Variants in MLLT10 observed in about 807,000 individuals in gnomAD.
MLLT10 encodes MLLT10 histone lysine methyltransferase DOT1L cofactor, also known as protein AF-10.
In MLLT10, 30 loss-of-function variants were observed where a neutral mutation model predicts 129.1. The observed-to-expected ratio is 0.23, with a 90% CI of 0.17 to 0.32. The LOEUF (loss-of-function observed/expected upper bound fraction) is 0.32. Among genes scored for constraint, MLLT10 ranks in the 10% least tolerant of loss-of-function variants. The probability of loss-of-function intolerance (pLI) is 1.00; values close to 1 mark genes in which losing one functional copy is unlikely to be tolerated. For synonymous variants in MLLT10, 490 were observed against 446.4 expected (o/e 1.10, Z -1.23); for missense variants, 1,119 against 1,268.3 (o/e 0.88, Z 1.79).
rs568186528 is a variant in MLLT10 at position 21,567,374 on chromosome 10, T to G, written c.241-18920T>G. Reference sequence around the variant, plus strand: ...GGGAGTTGTGGCTCTCTACCTGATCTCTGTGGTGGATGTGGCCTTGTTTGT... The same window carrying G: ...GGGAGTTGTGGCTCTCTACCTGATCGCTGTGGTGGATGTGGCCTTGTTTGT... On this transcript the variant is annotated intron_variant, in intron 3 of 22. Coordinates refer to ENST00000307729, the MANE Select transcript of MLLT10 (RefSeq NM_001195626.3). 3.5e-4 allele frequency among the ~76,000 whole-genome samples: 53 copies of G among 152,312 alleles called. No individual in the cohort carries two copies. In the South Asian group the frequency reaches 5.2e-3, roughly 15 times the overall value.
chr10:21,718,947 C>A (rs961129431), intron 14 of MLLT10, among the ~76,000 whole-genome samples: 1 of 152,208 alleles, frequency 6.6e-6, no homozygotes, highest in Non-Finnish European at 1.5e-5. Flanking sequence ...TGGTCTCGAA[C>A]TCCTGACCTC....
chr10:21,690,456 G>A (rs544585389), intron 13 of MLLT10, among the ~76,000 whole-genome samples: 3 of 152,242 alleles, frequency 2.0e-5, no homozygotes, highest in East Asian at 1.9e-4. Context: ...TTTCAGGTAT[G>A]TGTAGTAACT....
intron 7 of MLLT10, 45 bp from the exon 8 acceptor site, chr10:21,617,067 G>T (rs1271522978): frequency 1.1e-6 from 1 of 913,750 alleles, no homozygotes; most frequent in Non-Finnish European, 1.5e-6. Flanking sequence ...TGTTTAAAAA[G>T]TTTTATATAC....
intron 3 of MLLT10, among the ~76,000 whole-genome samples, chr10:21,540,340 A>C (rs1390254487): frequency 6.6e-6 from 1 of 152,002 alleles, no homozygotes; most frequent in African/African-American, 2.4e-5. Flanking sequence ...CAGTGAGCCA[A>C]GATTGTGCCA....
At chr10:21,670,813 GATT>G (rs2051316988) in intron 10 of MLLT10, 109 bp downstream of exon 10, 1 of 1,233,978 alleles carries the variant, frequency 8.1e-7, no homozygotes, top group Non-Finnish European at 1.1e-6. Context: ...GGATGTTCTA[GATT>G]ATTATATGAT....
chr10:21,688,424 G>A (rs746522544), intron 13 of MLLT10: 10 of 1,334,200 alleles, frequency 7.5e-6, no homozygotes, highest in Non-Finnish European at 1.1e-5. Context: ...TTTTCAACTT[G>A]TCTGTCATGG....
At chr10:21,590,160 C>T (rs116705829) in intron 4 of MLLT10, among the ~76,000 whole-genome samples, 5,448 of 152,056 alleles carry the variant, frequency 0.036, 318 homozygotes, top group African/African-American at 0.12. Flanking sequence ...AGGGTCGTCT[C>T]GAACATCTGG....
intron 13 of MLLT10, among the ~76,000 whole-genome samples, chr10:21,707,427 G>C (rs1448749501): frequency 6.6e-6 from 1 of 151,920 alleles, no homozygotes; most frequent in Non-Finnish European, 1.5e-5. Context: ...TCCTGACCTC[G>C]TGATCCGCCC....
chr10:21,551,145 T>C (rs2036942092), intron 3 of MLLT10, among the ~76,000 whole-genome samples: 1 of 151,738 alleles, frequency 6.6e-6, no homozygotes, highest in Admixed American at 6.6e-5. Context: ...CAGGTTGGTC[T>C]CGAGCTCCTG....
chr10:21,552,537 G>A (rs2037251958), intron 3 of MLLT10, among the ~76,000 whole-genome samples: 2 of 151,478 alleles, frequency 1.3e-5, no homozygotes, highest in African/African-American at 2.4e-5. Flanking sequence ...GATTACAGGC[G>A]CCTGCCACCA....
At position 21,613,305 on chromosome 10, in the gene MLLT10, G is replaced by A. The variant is rs114907482; in HGVS notation, c.509+854G>A. On this transcript the variant is annotated intron_variant, in intron 6 of 22. Transcript: ENST00000307729. Reference sequence around the variant, plus strand: ...AATAGGTAACAGTTCCAAATAAAAAGTTTGGGAATAATCTGTGCACTAATT... The same window carrying A: ...AATAGGTAACAGTTCCAAATAAAAAATTTGGGAATAATCTGTGCACTAATT... Among the ~76,000 whole-genome samples the A allele has an allele frequency of 9.4e-3, 1,399 of 149,568 alleles. 22 individuals are homozygous for A. Among genetic ancestry groups the A allele is most frequent in the African/African-American group, 0.032 (1,303 of 40,556 alleles).
At chr10:21,579,693 G>T (rs143651204) in intron 3 of MLLT10, among the ~76,000 whole-genome samples, 376 of 151,088 alleles carry the variant, frequency 2.5e-3, no homozygotes, top group African/African-American at 8.4e-3. Context: ...CTCCTGAGTA[G>T]CTGGGACTAC....
Position 21,625,555 on chromosome 10 carries a change from C to T in MLLT10, c.699+8348C>T. ...TGGCTTGTACTGCTGACTTGTGATC[C>T]TCACATTTAAGGAAGCAGAACCCCC... On this transcript the variant is annotated intron_variant, in intron 8 of 22. Transcript: ENST00000307729. 5 of 777,992 alleles carry T rather than the reference C, an allele frequency of 6.4e-6. No homozygotes were observed. The Middle Eastern group carries it at 7.0e-4, about 108-fold the overall frequency. 48.2% of individuals were successfully genotyped at this position (777,992 alleles called of 1,614,324 possible). A position where few individuals can be genotyped will look rare whatever the true frequency, so the allele number is the denominator to read the frequency against.
intron 8 of MLLT10, chr10:21,624,710 C>G: frequency 1.5e-6 from 2 of 1,356,228 alleles, no homozygotes; most frequent in Non-Finnish European, 2.1e-6. Context: ...TTGAGAGACC[C>G]AGTTCTGTTG....
chr10:21,677,720 C>T (rs916556097), intron 11 of MLLT10, among the ~76,000 whole-genome samples: 3 of 152,196 alleles, frequency 2.0e-5, no homozygotes, highest in Non-Finnish European at 2.9e-5. Context: ...CAGAAGACAA[C>T]TGTATTATGT....
intron 5 of MLLT10, among the ~76,000 whole-genome samples, chr10:21,599,177 CAA>C (rs561486770): frequency 9.9e-5 from 10 of 101,416 alleles, no homozygotes; most frequent in Admixed American, 2.0e-4. Context: ...GACTCCATCT[CAA>C]AAAAAAAAAA....
At chr10:21,681,280 T>C in intron 11 of MLLT10, 52 bp from the exon 12 acceptor site, 1 of 1,609,500 alleles carries the variant, frequency 6.2e-7, no homozygotes, top group South Asian at 1.1e-5. Flanking sequence ...TTTTTTACCC[T>C]TGAGTCACTG....
At chr10:21,687,682 A>C in intron 13 of MLLT10, among the ~76,000 whole-genome samples, 1 of 152,202 alleles carries the variant, frequency 6.6e-6, no homozygotes, top group East Asian at 1.9e-4. Context: ...GGGGAAGGGA[A>C]CTAGGCCTTG....
intron 5 of MLLT10, among the ~76,000 whole-genome samples, chr10:21,602,229 A>G (rs972552155): frequency 1.3e-5 from 2 of 152,200 alleles, no homozygotes; most frequent in Non-Finnish European, 2.9e-5. Context: ...CAGGTGGGCA[A>G]CAAGTTGCAG....
Sources: allele counts gnomAD v4.1 joint callset (sites outside exome capture counted in the v4.1 genomes callset), GRCh38; gene constraint gnomAD v4.1.1; transcripts MANE v1.5; gene names NCBI Gene and HGNC (gene_info 2026-07-23, HGNC 2026-07-21).